FNIP2: variants seen among roughly 807,000 people sequenced by gnomAD.
FNIP2 encodes the protein folliculin interacting protein 2.
A neutral mutation model predicts 108.7 loss-of-function variants in FNIP2; 32 were observed. The observed-to-expected ratio is 0.29, with a 90% CI of 0.22 to 0.40. FNIP2 has a LOEUF of 0.40. Among genes scored for constraint, FNIP2 ranks in the 10% least tolerant of loss-of-function variants. The pLI is 1.00. For synonymous variants in FNIP2, 480 were observed against 496.7 expected (o/e 0.97, Z 0.45); for missense variants, 1,202 against 1,381.6 (o/e 0.87, Z 2.06).
rs564565306 is a variant in FNIP2 at position 158,835,393 on chromosome 4, C to G, written c.656-12C>G. 1.2e-6 allele frequency: 2 copies of G among 1,610,790 alleles called. No individual in the cohort carries two copies. The highest frequency in any genetic ancestry group is 1.7e-6 in the Non-Finnish European group (2 of 1,178,004). On this transcript the variant is annotated splice_polypyrimidine_tract_variant and intron_variant, in intron 6 of 16. Transcript: ENST00000264433. ...AGCCCAATAACATGGTTTTCTTGTT[C>G]CTTTATCTTAGCACACAGCACACCA... is the stretch of plus-strand genomic sequence containing the variant.
At chr4:158,824,906 C>G (rs534854228) in intron 1 of FNIP2, among the ~76,000 whole-genome samples, 1 of 152,130 alleles carries the variant, frequency 6.6e-6, no homozygotes, top group East Asian at 1.9e-4. Flanking sequence ...CACTTCAAGT[C>G]CTTAGGGACT....
chr4:158,795,665 C>A (rs973936995), intron 1 of FNIP2, among the ~76,000 whole-genome samples: 1 of 152,180 alleles, frequency 6.6e-6, no homozygotes, highest in African/African-American at 2.4e-5. Context: ...CACAGACCAG[C>A]CACACAGAGC....
chr4:158,864,678 T>G (rs1250365736), intron 12 of FNIP2, among the ~76,000 whole-genome samples: 2 of 152,126 alleles, frequency 1.3e-5, no homozygotes, highest in Non-Finnish European at 2.9e-5. Context: ...CCTCATTCTT[T>G]CCTCTCCTCT....
intron 1 of FNIP2, 47 bp downstream of exon 1, chr4:158,769,366 T>A (rs756167759): frequency 7.4e-7 from 1 of 1,346,794 alleles, no homozygotes. Flanking sequence ...CCGAGTTGGC[T>A]TCGGTGCTCG....
At chr4:158,852,690 A>G (rs908243347) in intron 8 of FNIP2, among the ~76,000 whole-genome samples, 6 of 152,220 alleles carry the variant, frequency 3.9e-5, no homozygotes, top group African/African-American at 1.2e-4. Flanking sequence ...ATTTACTATT[A>G]TTATTGCTGT....
intron 15 of FNIP2, among the ~76,000 whole-genome samples, chr4:158,894,233 T>C (rs1425771651): frequency 6.6e-6 from 1 of 151,192 alleles, no homozygotes; most frequent in Non-Finnish European, 1.5e-5. Context: ...TGCAGTAGTA[T>C]GATGTTGGCT....
At chr4:158,901,592 T>G (rs1447156284) in intron 16 of FNIP2, among the ~76,000 whole-genome samples, 1 of 152,156 alleles carries the variant, frequency 6.6e-6, no homozygotes, top group Non-Finnish European at 1.5e-5. Context: ...TTTTCCAACT[T>G]GGTTCCATTC....
intron 1 of FNIP2, among the ~76,000 whole-genome samples, chr4:158,805,367 A>G (rs1034113753): frequency 3.3e-5 from 5 of 152,300 alleles, no homozygotes; most frequent in African/African-American, 1.2e-4. Flanking sequence ...AACCCACAGA[A>G]TCATATTGAT....
chr4:158,886,763 T>A (rs1782045486), intron 14 of FNIP2, among the ~76,000 whole-genome samples: 1 of 152,192 alleles, frequency 6.6e-6, no homozygotes, highest in African/African-American at 2.4e-5. Flanking sequence ...ATGACTATAT[T>A]TAATATTAGT....
At chr4:158,779,817 A>C (rs1162780071) in intron 1 of FNIP2, among the ~76,000 whole-genome samples, 1 of 150,136 alleles carries the variant, frequency 6.7e-6, no homozygotes, top group Non-Finnish European at 1.5e-5. Context: ...TCCAGGGCTC[A>C]AGTGATTCCC....
chr4:158,862,529 T>C (rs1161732887), intron 12 of FNIP2, among the ~76,000 whole-genome samples: 1 of 152,234 alleles, frequency 6.6e-6, no homozygotes, highest in Non-Finnish European at 1.5e-5. Context: ...GAGAGGCTAG[T>C]TAACAAATAT....
chr4:158,891,000 G>A (rs893861186), intron 14 of FNIP2, among the ~76,000 whole-genome samples: 1 of 152,122 alleles, frequency 6.6e-6, no homozygotes, highest in African/African-American at 2.4e-5. Flanking sequence ...AGGAAAATTC[G>A]GATGGATTTA....
chr4:158,869,101 C>G lies in FNIP2; in HGVS notation c.2465C>G (p.Ala822Gly). 1 of 1,614,016 alleles carries G rather than the reference C, an allele frequency of 6.2e-7. No individual in the cohort carries two copies. Among genetic ancestry groups the G allele is most frequent in the African/African-American group, 1.3e-5 (1 of 75,044 alleles). ...QLSHAADLGTASHGAGGTGGR... is the reference protein window; with the variant it reads ...QLSHAADLGTGSHGAGGTGGR... The stretch of plus-strand genomic sequence containing the variant: ...AGCCACGCTGCTGACTTGGGCACAG[C>G]CTCCCACGGTGCAGGAGGAACGGGA... The change falls in exon 13 of 17, where the codon GCC (alanine) becomes GGC (glycine). Residue 822 changes from alanine (A) to glycine (G), a missense_variant. Ala to Gly is a moderately conservative substitution (Grantham distance 60). This residue lies in a region of FNIP2 where 878 missense variants were observed against 990.3 expected (regional missense o/e 0.89). Transcript: ENST00000264433.
At chr4:158,838,618 A>C (rs1307668239) in intron 7 of FNIP2, among the ~76,000 whole-genome samples, 1 of 152,206 alleles carries the variant, frequency 6.6e-6, no homozygotes, top group Non-Finnish European at 1.5e-5. Context: ...TTACAGAAAA[A>C]TTGAGAAGGT....
chr4:158,769,386 G>A lies in FNIP2; in HGVS notation c.107+67G>A, dbSNP rs545069577. On this transcript the variant is annotated intron_variant, in intron 1 of 16. Transcript: ENST00000264433. ...TTGGCTTCGGTGCTCGCCGGGGAGG[G>A]GACGGGTAGGGGAAAGGGAAGGGAC... 1.3e-4 allele frequency: 147 copies of A among 1,116,920 alleles called. No individual in the cohort carries two copies. In the African/African-American group the frequency reaches 1.7e-3, roughly 13 times the overall value. 69.2% of individuals were successfully genotyped at this position (1,116,920 alleles called of 1,614,324 possible). A position where few individuals can be genotyped will look rare whatever the true frequency, so the allele number is the denominator to read the frequency against.
chr4:158,859,741 G>C (rs1045899256), intron 10 of FNIP2, 75 bp downstream of exon 10: 44 of 1,232,142 alleles, frequency 3.6e-5, no homozygotes, highest in Non-Finnish European at 4.9e-5. Context: ...ACTGTGACTT[G>C]GAAGAATTGG....
At chr4:158,881,417 TCCCTCTCTTTC>T (rs1781609638) in intron 14 of FNIP2, among the ~76,000 whole-genome samples, 3 of 22,808 alleles carry the variant, frequency 1.3e-4, no homozygotes, top group Non-Finnish European at 3.1e-4. Flanking sequence ...GGTCTCCCTC[TCCCTCTCTTTC>T]CACGGTCTCC....
chr4:158,904,386 T>G (rs992872902), intron 16 of FNIP2, 80 bp from the exon 17 acceptor site: 4 of 1,297,402 alleles, frequency 3.1e-6, no homozygotes, highest in Non-Finnish European at 4.4e-6. Context: ...GAAATAATAC[T>G]TTCTCATAAA....
intron 10 of FNIP2, 130 bp downstream of exon 10, chr4:158,859,796 A>G: frequency 1.3e-6 from 1 of 762,318 alleles, no homozygotes; most frequent in Non-Finnish European, 2.2e-6. Context: ...GCCCTTCAAG[A>G]TGGAAACAGA....
Sources: allele counts gnomAD v4.1 joint callset (sites outside exome capture counted in the v4.1 genomes callset), GRCh38; gene constraint gnomAD v4.1.1; regional missense constraint gnomAD v4.1.1; transcripts MANE v1.5; gene names NCBI Gene and HGNC (gene_info 2026-07-23, HGNC 2026-07-21).